The following JPH2 variants were observed in gnomAD, a reference collection of about 807,000 sequenced individuals.
JPH2 encodes junctophilin-2.
In JPH2, 38 loss-of-function variants were observed where a neutral mutation model predicts 55.9. The observed-to-expected ratio is 0.68, with a 90% confidence interval of 0.52 to 0.89. The LOEUF (loss-of-function observed/expected upper bound fraction) is 0.89, where lower values mean the gene tolerates loss of function less well. JPH2 is among the 40% of genes least tolerant of loss of function. JPH2 has a pLI of 0.00. For synonymous variants in JPH2, 480 were observed against 472.4 expected (o/e 1.02, Z -0.21); for missense variants, 964 against 1,037.6 (o/e 0.93, Z 0.97).
chr20:44,116,027 C>T lies in JPH2; in HGVS notation c.1648G>A (p.Ala550Thr), dbSNP rs1215179808. Residue 550 changes from alanine (A) to threonine (T), a missense_variant, in exon 4 of 6, where the codon GCA (alanine) becomes ACA (threonine). Transcript: ENST00000372980. ...GGCTCCCGCGACGGCGCAGGCGGTG[C>T]CTGCAGAGCCTCGATGGCCATGCGC... ...TERMAIEALQAPPAPSREPEV... is the reference protein window; with the variant it reads ...TERMAIEALQTPPAPSREPEV... 6 of 1,578,478 alleles carry T rather than the reference C, an allele frequency of 3.8e-6. No individual in the cohort carries two copies. Among genetic ancestry groups the T allele is most frequent in the East Asian group, 4.6e-5 (2 of 43,702 alleles).
At chr20:44,137,601 A>T (rs2145860606) in intron 2 of JPH2, among the ~76,000 whole-genome samples, 1 of 152,352 alleles carries the variant, frequency 6.6e-6, no homozygotes, top group East Asian at 1.9e-4. Flanking sequence ...GGGGAGGAAG[A>T]AGCCACCAGG....
intron 2 of JPH2, among the ~76,000 whole-genome samples, chr20:44,119,623 C>T (rs560392564): frequency 2.0e-5 from 3 of 152,166 alleles, no homozygotes; most frequent in East Asian, 1.9e-4. Context: ...CCTGTAATCC[C>T]AACACTTTGG....
rs954414076 is a variant in JPH2, at chr20:44,108,453, C to T, written c.*5065G>A. ...AACTGATGGTGGCCCTGGAGATCCC[C>T]AAACTTGTATCTGGGGTCTGAAGGG... On this transcript the variant is annotated 3_prime_UTR_variant, in exon 6 of 6. Transcript: ENST00000372980. 6.6e-6 allele frequency among the ~76,000 whole-genome samples: 1 copy of T among 152,012 alleles called. No individual in the cohort carries two copies. Among genetic ancestry groups the T allele is most frequent in the Non-Finnish European group, 1.5e-5 (1 of 68,014 alleles).
intron 1 of JPH2, chr20:44,177,995 A>C (rs1484958627): frequency 2.1e-6 from 2 of 953,834 alleles, no homozygotes; most frequent in African/African-American, 3.2e-5. Context: ...AGGAAACAGA[A>C]GCTCAGGGAG....
At chr20:44,154,825 G>A (rs2072553484) in intron 2 of JPH2, among the ~76,000 whole-genome samples, 1 of 152,198 alleles carries the variant, frequency 6.6e-6, no homozygotes, top group Non-Finnish European at 1.5e-5. Context: ...TTCAGTCTGA[G>A]CTTGAAACCC....
In JPH2 at chr20:44,186,681, C is replaced by T. The variant is rs1440864056; in HGVS notation, c.25G>A (p.Asp9Asn). Residue 9 changes from aspartate to asparagine, a missense_variant, in exon 1 of 6, where the codon GAT becomes AAT. Transcript: ENST00000372980. Reference protein sequence around the residue: MSGGRFDFDDGGAYCGGWE... With the variant: MSGGRFDFNDGGAYCGGWE... Reference sequence around the variant, plus strand: ...CCCCCGCAGTACGCCCCTCCATCATCAAAGTCGAAGCGGCCCCCACTCATC... The same window carrying T: ...CCCCCGCAGTACGCCCCTCCATCATTAAAGTCGAAGCGGCCCCCACTCATC... 1 of 1,596,610 alleles carries T rather than the reference C, an allele frequency of 6.3e-7. No individual in the cohort carries two copies. Among genetic ancestry groups the T allele is most frequent in the Admixed American group, 1.7e-5 (1 of 59,946 alleles).
At chr20:44,144,650 T>C (rs754587468) in intron 2 of JPH2, among the ~76,000 whole-genome samples, 1 of 152,072 alleles carries the variant, frequency 6.6e-6, no homozygotes, top group African/African-American at 2.4e-5. Flanking sequence ...AGACTTTCCC[T>C]CCCCACCGTG....
chr20:44,120,017 C>G (rs950404655), intron 2 of JPH2, among the ~76,000 whole-genome samples: 1 of 152,090 alleles, frequency 6.6e-6, no homozygotes, highest in Admixed American at 6.5e-5. Context: ...CTCCAGAGCC[C>G]CCGGTGGACT....
At chr20:44,117,677 A>G (rs148081640) in intron 3 of JPH2, among the ~76,000 whole-genome samples, 17 of 152,296 alleles carry the variant, frequency 1.1e-4, no homozygotes, top group Non-Finnish European at 2.2e-4. Flanking sequence ...CTGACTTGAT[A>G]GACTCTTGTT....
Position 44,159,881 on chromosome 20 carries a change from G to A in JPH2, c.906C>T (p.Gly302=). 1 of 1,613,496 alleles carries A rather than the reference G, an allele frequency of 6.2e-7. No individual in the cohort carries two copies. Among genetic ancestry groups the A allele is most frequent in the Non-Finnish European group, 8.5e-7 (1 of 1,179,860 alleles). Residue 302 remains glycine (G), a synonymous_variant, in exon 2 of 6, where the codon GGC becomes GGT. Coordinates refer to ENST00000372980, the MANE Select transcript of JPH2 (RefSeq NM_020433.5). The surrounding 1 kb of genome is among the most constrained non-coding windows in gnomAD (Gnocchi z 5.7). ...MGEWKNDKRS[G]FGVSERSSGL... ...CACTGGAGCGTTCGCTCACGCCGAAGCCCGAGCGTTTGTCGTTCTTCCACT... is the reference window on the plus strand; with the variant it reads ...CACTGGAGCGTTCGCTCACGCCGAAACCCGAGCGTTTGTCGTTCTTCCACT...
intron 2 of JPH2, among the ~76,000 whole-genome samples, chr20:44,147,203 A>G (rs2017246): frequency 0.59 from 89,731 of 151,534 alleles, 26,662 homozygotes; most frequent in South Asian, 0.67. Flanking sequence ...TATATTCCCA[A>G]TGTATTCCAG....
At chr20:44,133,736 C>T (rs1041226345) in intron 2 of JPH2, among the ~76,000 whole-genome samples, 6 of 150,118 alleles carry the variant, frequency 4.0e-5, no homozygotes, top group African/African-American at 1.5e-4. Flanking sequence ...CTAAGTTTCC[C>T]AGGCTGGTCC....
intron 2 of JPH2, among the ~76,000 whole-genome samples, chr20:44,141,512 G>GT (rs34441989): frequency 0.16 from 24,273 of 147,626 alleles, 2,113 homozygotes; most frequent in Admixed American, 0.27. Flanking sequence ...AGTAGAAGCA[G>GT]TTTTTTTTTT....
Position 44,176,848 on chromosome 20 carries a change from T to C in JPH2, c.379+9479A>G, listed in dbSNP as rs909313908. The C allele has an allele frequency of 3.1e-6, 3 of 983,328 alleles. No individual in the cohort carries two copies. The African/African-American group carries it at 5.3e-5, about 17-fold the overall frequency. 60.9% of individuals were successfully genotyped at this position (983,328 alleles called of 1,614,324 possible). Reference sequence around the variant, plus strand: ...TAAAGGATTCCAATTTAATTAAAAATAGAAATAATAAAAACATGGTACATG... The same window carrying C: ...TAAAGGATTCCAATTTAATTAAAAACAGAAATAATAAAAACATGGTACATG... On this transcript the variant is annotated intron_variant, in intron 1 of 5. Transcript: ENST00000372980.
chr20:44,166,135 G>A (rs1054366164), intron 1 of JPH2, among the ~76,000 whole-genome samples: 3 of 152,190 alleles, frequency 2.0e-5, no homozygotes, highest in Non-Finnish European at 2.9e-5. Context: ...CAGGCATTCC[G>A]TAACTGTTTA....
At chr20:44,129,639 A>G (rs761209) in intron 2 of JPH2, among the ~76,000 whole-genome samples, 105,057 of 151,114 alleles carry the variant, frequency 0.7, 36,620 homozygotes, top group Admixed American at 0.77. Context: ...AAAGGCATCA[A>G]TGAATAATGG....
intron 1 of JPH2, among the ~76,000 whole-genome samples, chr20:44,176,585 C>G (rs868596009): frequency 2.0e-5 from 3 of 151,912 alleles, no homozygotes; most frequent in Non-Finnish European, 4.4e-5. Context: ...GAGGATGGCT[C>G]GGGCTCAGAA....
At chr20:44,177,921 T>C (rs1446735358) in intron 1 of JPH2, 3 of 1,466,308 alleles carry the variant, frequency 2.0e-6, no homozygotes, top group Admixed American at 1.7e-5. Context: ...CAGTGCTTCA[T>C]TGTCTTGTTT....
intron 1 of JPH2, among the ~76,000 whole-genome samples, chr20:44,174,980 G>A (rs1037288533): frequency 1.3e-5 from 2 of 151,876 alleles, no homozygotes; most frequent in Non-Finnish European, 2.9e-5. Context: ...CTGGGTAACA[G>A]AGTGAGACCC....
Sources: gnomAD v4.1 joint callset for allele counts (sites outside exome capture counted in the v4.1 genomes callset) on GRCh38, gnomAD v4.1.1 for gene constraint, Gnocchi (gnomAD v3.1) non-coding constraint, MANE v1.5 for transcripts, NCBI Gene and HGNC (gene_info 2026-07-23, HGNC 2026-07-21) for gene names.